NUP98: variants seen among roughly 807,000 people sequenced by gnomAD.
NUP98 encodes nuclear pore complex protein Nup98-Nup96.
Under a neutral mutation model 191.9 loss-of-function variants are expected in NUP98, and 26 were observed. The ratio of observed to expected loss-of-function variants is 0.14; its 90% confidence interval spans 0.10 to 0.19. NUP98 has a LOEUF of 0.19. Ranked by LOEUF, NUP98 falls within the 10% of genes least tolerant of loss-of-function variation. NUP98 has a pLI of 1.00. For missense variants in NUP98, 1,941 were observed against 2,178.8 expected, an observed-to-expected ratio of 0.89 and a Z score of 2.17; for synonymous variants, 808 against 778.4, an observed-to-expected ratio of 1.04 and a Z score of -0.63.
At chr11:3,689,664 C>G (rs1175178271) in intron 28 of NUP98, among the ~76,000 whole-genome samples, 2 of 152,086 alleles carry the variant, frequency 1.3e-5, no homozygotes, top group Non-Finnish European at 2.9e-5. Flanking sequence ...GAGACAGGGT[C>G]TCTCTCACTC....
At chr11:3,760,760 A>C in intron 9 of NUP98, 134 bp from the exon 10 acceptor site, 1 of 619,304 alleles carries the variant, frequency 1.6e-6, no homozygotes, top group Non-Finnish European at 2.7e-6. Context: ...AAAAAGGTAG[A>C]AAAAAGATGA....
intron 25 of NUP98, among the ~76,000 whole-genome samples, chr11:3,696,127 G>A (rs187600266): frequency 6.6e-6 from 1 of 152,124 alleles, no homozygotes; most frequent in Non-Finnish European, 1.5e-5. Flanking sequence ...TGAGTTGGAG[G>A]TTGCAGTGAG....
At chr11:3,742,839 C>T (rs961547435) in intron 12 of NUP98, among the ~76,000 whole-genome samples, 7 of 151,558 alleles carry the variant, frequency 4.6e-5, no homozygotes, top group East Asian at 1.9e-4. Context: ...TATGTAAGTA[C>T]GCAGCTTAAA....
chr11:3,744,102 A>G (rs2080397507), intron 12 of NUP98, among the ~76,000 whole-genome samples: 2 of 152,196 alleles, frequency 1.3e-5, no homozygotes, highest in Admixed American at 6.5e-5. Context: ...ATAAAACTAA[A>G]TTTAGGAAAT....
intron 30 of NUP98, 69 bp from the exon 31 acceptor site, chr11:3,679,777 G>T: frequency 6.9e-7 from 1 of 1,457,704 alleles, no homozygotes; most frequent in Non-Finnish European, 9.3e-7. Flanking sequence ...AGAAGACATG[G>T]CAGGAAGACA....
intron 26 of NUP98, among the ~76,000 whole-genome samples, chr11:3,693,993 G>A (rs2078409057): frequency 6.6e-6 from 1 of 152,082 alleles, no homozygotes; most frequent in African/African-American, 2.4e-5. Context: ...CACTTTGGGA[G>A]GCCGAGGTGG....
chr11:3,753,470 G>C, intron 10 of NUP98, 62 bp from the exon 11 acceptor site: 3 of 1,334,420 alleles, frequency 2.2e-6, no homozygotes, highest in Non-Finnish European at 2.1e-6. Flanking sequence ...TCCTCTATAA[G>C]GGAGTTTAAC....
chr11:3,701,320 C>T (rs982174866), intron 23 of NUP98, among the ~76,000 whole-genome samples: 5 of 140,968 alleles, frequency 3.5e-5, no homozygotes, highest in Non-Finnish European at 7.5e-5. Context: ...AATGCAGTAG[C>T]GTGATCTTGG....
At chr11:3,737,321 C>CAAA (rs34718372) in intron 12 of NUP98, among the ~76,000 whole-genome samples, 7 of 111,944 alleles carry the variant, frequency 6.3e-5, no homozygotes, top group Admixed American at 1.1e-4. Context: ...GCAGTAATAA[C>CAAA]AAAAAAAAAA....
At position 3,785,093 on chromosome 11, in the gene NUP98, G is replaced by A. The variant is rs533075152; in HGVS notation, c.-28-2948C>T. ...GTGGAGCCTGCAGTGAGCTGAGATC[G>A]TGCCACTGCACTCCAGCCTGGGCAA... On this transcript the variant is annotated intron_variant, in intron 1 of 32. Coordinates refer to ENST00000324932, the MANE Select transcript of NUP98 (RefSeq NM_016320.5). 5.3e-5 allele frequency among the ~76,000 whole-genome samples: 8 copies of A among 151,942 alleles called. No individual in the cohort carries two copies. In the South Asian group the frequency reaches 1.2e-3, roughly 24 times the overall value.
chr11:3,727,546 C>CA (rs2079666373), intron 14 of NUP98, among the ~76,000 whole-genome samples: 1 of 152,000 alleles, frequency 6.6e-6, no homozygotes, highest in Non-Finnish European at 1.5e-5. Flanking sequence ...TGAAACATAG[C>CA]AACTGGGGTT....
intron 5 of NUP98, among the ~76,000 whole-genome samples, chr11:3,775,669 G>A (rs1270992791): frequency 6.6e-6 from 1 of 151,884 alleles, no homozygotes; most frequent in African/African-American, 2.4e-5. Context: ...AAATTTTATT[G>A]GGATGAGCCT....
intron 5 of NUP98, among the ~76,000 whole-genome samples, chr11:3,775,343 A>G (rs537965548): frequency 1.3e-5 from 2 of 152,258 alleles, no homozygotes; most frequent in South Asian, 4.1e-4. Flanking sequence ...CAGCCTGGCC[A>G]CCATGGTGAA....
chr11:3,689,445 T>G (rs537448746), intron 28 of NUP98, among the ~76,000 whole-genome samples: 2 of 151,806 alleles, frequency 1.3e-5, no homozygotes, highest in South Asian at 4.2e-4. Context: ...GAGAATGGCG[T>G]GAACCTGGAA....
chr11:3,706,664 A>G, intron 20 of NUP98, 37 bp from the exon 21 acceptor site: 1 of 1,556,048 alleles, frequency 6.4e-7, no homozygotes, highest in Admixed American at 1.8e-5. Flanking sequence ...GCAGCATTAA[A>G]TTATACCAAA....
intron 4 of NUP98, among the ~76,000 whole-genome samples, chr11:3,778,271 G>T (rs1212418948): frequency 6.6e-6 from 1 of 151,404 alleles, no homozygotes; most frequent in Non-Finnish European, 1.5e-5. Flanking sequence ...ATACTCTTGT[G>T]CCAGGAATGG....
At chr11:3,721,694 CGGAA>C (rs71041380) in intron 16 of NUP98, among the ~76,000 whole-genome samples, 1,888 of 148,586 alleles carry the variant, frequency 0.013, 16 homozygotes, top group South Asian at 0.027. Flanking sequence ...GAGTGAAACT[CGGAA>C]GGAAGGGAGG....
In NUP98 at chr11:3,738,087, C is replaced by CAAAAA. The variant is rs61502115; in HGVS notation, c.1409-2768_1409-2764dup. Among the ~76,000 whole-genome samples, 76 of 69,502 alleles carry CAAAAA rather than the reference C, an allele frequency of 1.1e-3. 2 individuals are homozygous for CAAAAA. The highest frequency in any genetic ancestry group is 1.4e-3 in the Non-Finnish European group (48 of 34,164). The allele number at this position is 69,502 out of a possible 152,430, so 45.6% of individuals were successfully genotyped here. On this transcript the variant is annotated intron_variant, in intron 12 of 32. Coordinates refer to ENST00000324932, the MANE Select transcript of NUP98 (RefSeq NM_016320.5). The stretch of plus-strand genomic sequence containing the variant: ...ACAAATCATTCTACCTGGGCGTTCT[C>CAAAAA]AAAAAAAAAAAAAAAAAAAACCAAA...
chr11:3,787,137 C>G (rs17190886), intron 1 of NUP98, among the ~76,000 whole-genome samples: 28,078 of 152,028 alleles, frequency 0.18, 2,753 homozygotes, highest in East Asian at 0.26. Context: ...GGCTGGGAAA[C>G]GAGGCTGGGT....
Sources: allele counts gnomAD v4.1 joint callset (sites outside exome capture counted in the v4.1 genomes callset), GRCh38; gene constraint gnomAD v4.1.1; transcripts MANE v1.5; gene names NCBI Gene and HGNC (gene_info 2026-07-23, HGNC 2026-07-21).